Variants in AVL9 observed in about 807,000 individuals in gnomAD.
The protein encoded by AVL9 is late secretory pathway protein AVL9 homolog.
AVL9 carries 49 observed loss-of-function variants against 79.2 expected under a neutral mutation model. That is an observed-to-expected ratio of 0.62 (90% CI 0.49 to 0.79). The LOEUF (loss-of-function observed/expected upper bound fraction) is 0.79. Among genes scored for constraint, AVL9 ranks in the 30% least tolerant of loss-of-function variants. AVL9 has a pLI of 0.00. For synonymous variants in AVL9, 299 were observed against 280.6 expected (o/e 1.07, Z -0.65); for missense variants, 682 against 776.8 (o/e 0.88, Z 1.45).
intron 13 of AVL9, among the ~76,000 whole-genome samples, chr7:32,577,459 T>C (rs1791155349): frequency 6.6e-6 from 1 of 152,212 alleles, no homozygotes; most frequent in South Asian, 2.1e-4. Flanking sequence ...CAAAGTGTTC[T>C]CCCTCACTGA....
intron 1 of AVL9, among the ~76,000 whole-genome samples, chr7:32,526,003 T>C (rs1042905535): frequency 1.3e-5 from 2 of 151,840 alleles, no homozygotes; most frequent in Admixed American, 1.3e-4. Flanking sequence ...CCTCAGCAAA[T>C]TGAGAGAGTA....
intron 1 of AVL9, among the ~76,000 whole-genome samples, chr7:32,515,777 TC>T (rs952656119): frequency 6.6e-5 from 10 of 152,182 alleles, no homozygotes; most frequent in African/African-American, 2.4e-4. Flanking sequence ...CTGGTCTTTC[TC>T]CCATCAGATT....
chr7:32,577,563 C>G (rs1328059277), intron 13 of AVL9, among the ~76,000 whole-genome samples: 1 of 152,032 alleles, frequency 6.6e-6, no homozygotes, highest in African/African-American at 2.4e-5. Flanking sequence ...GAAGGCAGGT[C>G]GGCCTTGACT....
chr7:32,556,069 C>T (rs1208475803), intron 8 of AVL9, among the ~76,000 whole-genome samples: 7 of 151,868 alleles, frequency 4.6e-5, no homozygotes, highest in African/African-American at 9.7e-5. Context: ...AGTTTGTCTA[C>T]AACAAGTCAA....
chr7:32,543,301 GA>G, intron 2 of AVL9, 40 bp downstream of exon 2: 1 of 1,597,536 alleles, frequency 6.3e-7, no homozygotes, highest in East Asian at 2.2e-5. Context: ...TGCCATTTTT[GA>G]AAAAATTTGC....
At chr7:32,570,781 G>A (rs937403629) in intron 11 of AVL9, among the ~76,000 whole-genome samples, 56 of 150,820 alleles carry the variant, frequency 3.7e-4, no homozygotes, top group African/African-American at 1.3e-3. Context: ...CACCACGCTC[G>A]GCTAATTTTT....
Position 32,580,821 on chromosome 7 carries a change from C to A in AVL9, c.1762C>A (p.Arg588Ser), listed in dbSNP as rs762532514. 1.2e-6 allele frequency: 2 copies of A among 1,613,244 alleles called. No homozygotes were observed. The highest frequency in any genetic ancestry group is 1.7e-6 in the Non-Finnish European group (2 of 1,179,706). Residue 588 changes from arginine to serine, a missense_variant, in exon 15 of 16, where the codon CGT becomes AGT. Arg to Ser is a moderately radical substitution (Grantham distance 110, BLOSUM62 -1). Coordinates refer to ENST00000318709, the MANE Select transcript of AVL9 (RefSeq NM_015060.3). ...RFSHSVQNSE[R>S]GKKIGNVMVT... Reference sequence around the variant, plus strand: ...ACCCAGTTCTGTTCAGAATAGTGAACGTGGCAAAAAAATTGGAAACGTCAT... The same window carrying A: ...ACCCAGTTCTGTTCAGAATAGTGAAAGTGGCAAAAAAATTGGAAACGTCAT...
At chr7:32,515,430 C>T (rs896422074) in intron 1 of AVL9, among the ~76,000 whole-genome samples, 1 of 152,198 alleles carries the variant, frequency 6.6e-6, no homozygotes, top group African/African-American at 2.4e-5. Flanking sequence ...CTGATCTCCC[C>T]AAATTTGGTT....
chr7:32,527,403 T>C (rs1232863512), intron 1 of AVL9, among the ~76,000 whole-genome samples: 4 of 152,356 alleles, frequency 2.6e-5, no homozygotes, highest in South Asian at 4.2e-4. Context: ...TTAAAAATTT[T>C]TCAAGACAAT....
At chr7:32,557,347 C>G (rs918530090) in intron 8 of AVL9, among the ~76,000 whole-genome samples, 5 of 152,136 alleles carry the variant, frequency 3.3e-5, no homozygotes, top group Non-Finnish European at 5.9e-5. Context: ...ACCACCACAC[C>G]TGACCTGATT....
At chr7:32,579,753 G>T (rs1323566618) in intron 13 of AVL9, among the ~76,000 whole-genome samples, 1 of 146,362 alleles carries the variant, frequency 6.8e-6, no homozygotes, top group Non-Finnish European at 1.5e-5. Context: ...ACAGAAAGTA[G>T]AGATTTTGTT....
At chr7:32,578,692 C>G (rs376115870) in intron 13 of AVL9, among the ~76,000 whole-genome samples, 2 of 151,932 alleles carry the variant, frequency 1.3e-5, no homozygotes, top group African/African-American at 4.8e-5. Context: ...GCCTGTACTC[C>G]CAGCTACTCA....
intron 5 of AVL9, 60 bp from the exon 6 acceptor site, chr7:32,552,169 A>G (rs1446379092): frequency 1.9e-6 from 2 of 1,070,680 alleles, no homozygotes; most frequent in African/African-American, 3.2e-5. Context: ...TGATCAATAT[A>G]TTTCTAATTC....
intron 14 of AVL9, 99 bp downstream of exon 14, chr7:32,580,371 T>C: frequency 1.0e-6 from 1 of 953,882 alleles, no homozygotes. Context: ...CTTGATAGAC[T>C]TATGCTTCAA....
chr7:32,497,653 C>CTTTTTTTTTTTTTTTTTT (rs59504023), intron 1 of AVL9, among the ~76,000 whole-genome samples: 1 of 117,104 alleles, frequency 8.5e-6, no homozygotes, highest in Non-Finnish European at 1.8e-5. Flanking sequence ...ACCATTAGTT[C>CTTTTTTTTTTTTTTTTTT]TTTTTTTTTT....
At chr7:32,572,982 T>C (rs1265918801) in intron 11 of AVL9, among the ~76,000 whole-genome samples, 1 of 152,212 alleles carries the variant, frequency 6.6e-6, no homozygotes, top group Non-Finnish European at 1.5e-5. Flanking sequence ...TAAAATACTA[T>C]ATTTATGTGT....
At chr7:32,541,716 A>G in intron 1 of AVL9, among the ~76,000 whole-genome samples, 1 of 145,066 alleles carries the variant, frequency 6.9e-6, no homozygotes, top group South Asian at 2.2e-4. Context: ...CCTTCAGTTA[A>G]TTTTTTTTTT....
At chr7:32,534,021 G>A (rs1018398620) in intron 1 of AVL9, 2 of 152,152 alleles carry the variant, frequency 1.3e-5, no homozygotes, top group African/African-American at 4.8e-5. Flanking sequence ...AAAGTAAATG[G>A]AATCTGACTA....
intron 4 of AVL9, among the ~76,000 whole-genome samples, chr7:32,550,372 A>G (rs1462000300): frequency 7.5e-6 from 1 of 133,520 alleles, no homozygotes; most frequent in Non-Finnish European, 1.8e-5. Flanking sequence ...AAATTGGGGT[A>G]AAAAAATCGA....
Sources: allele counts gnomAD v4.1 joint callset (sites outside exome capture counted in the v4.1 genomes callset), GRCh38; gene constraint gnomAD v4.1.1; transcripts MANE v1.5; gene names NCBI Gene and HGNC (gene_info 2026-07-23, HGNC 2026-07-21).